Variants in PLXDC2 observed in about 807,000 individuals in gnomAD.
PLXDC2 encodes plexin domain-containing protein 2.
Under a neutral mutation model 68.9 loss-of-function variants are expected in PLXDC2, and 40 were observed. The observed-to-expected ratio is 0.58, with a 90% CI of 0.45 to 0.76. The LOEUF is 0.76. Among genes scored for constraint, PLXDC2 ranks in the 30% least tolerant of loss-of-function variants. The probability of loss-of-function intolerance (pLI) is 0.00; values close to 1 mark genes in which losing one functional copy is unlikely to be tolerated. For missense variants in PLXDC2, 644 were observed against 661.9 expected (o/e 0.97, Z 0.30); for synonymous variants, 243 against 234.2 (o/e 1.04, Z -0.34).
At chr10:19,989,877 G>A (rs1834717210) in intron 1 of PLXDC2, among the ~76,000 whole-genome samples, 1 of 151,494 alleles carries the variant, frequency 6.6e-6, no homozygotes, top group South Asian at 2.1e-4. Context: ...AGCCTCACGA[G>A]TAGCTGTGAT....
intron 3 of PLXDC2, among the ~76,000 whole-genome samples, chr10:20,067,898 A>G (rs1449054444): frequency 1.3e-5 from 2 of 152,052 alleles, no homozygotes; most frequent in Non-Finnish European, 2.9e-5. Context: ...GAACCTCAGA[A>G]TAAGTTGCTC....
At chr10:19,965,727 G>A (rs976639336) in intron 1 of PLXDC2, among the ~76,000 whole-genome samples, 1 of 147,262 alleles carries the variant, frequency 6.8e-6, no homozygotes, top group East Asian at 2.2e-4. Context: ...TTGGGGGGGG[G>A]GGTTACATAA....
rs779620609 is a variant in PLXDC2, at chr10:20,164,571, C to G, written c.883+4C>G. 6.2e-7 allele frequency: 1 copy of G among 1,604,722 alleles called. No individual in the cohort carries two copies. The highest frequency in any genetic ancestry group is 2.2e-5 in the East Asian group (1 of 44,690). On this transcript the variant is annotated splice_donor_region_variant and intron_variant, in intron 7 of 13. Coordinates refer to ENST00000377252, the MANE Select transcript of PLXDC2 (RefSeq NM_032812.9). Reference sequence around the variant, plus strand: ...CACAGGATCCAACAAATTCCCAGTACGTAGAAGAAGGGCAGTCGCAATGAG... The same window carrying G: ...CACAGGATCCAACAAATTCCCAGTAGGTAGAAGAAGGGCAGTCGCAATGAG...
chr10:20,142,468 G>A (rs1167769542), intron 4 of PLXDC2, among the ~76,000 whole-genome samples: 1 of 152,096 alleles, frequency 6.6e-6, no homozygotes, highest in South Asian at 2.1e-4. Flanking sequence ...GCCAGCACAG[G>A]ATTAACAATT....
intron 3 of PLXDC2, among the ~76,000 whole-genome samples, chr10:20,047,417 T>A (rs76215155): frequency 0.041 from 6,247 of 152,216 alleles, 178 homozygotes; most frequent in South Asian, 0.068. Context: ...GGTCTTGGAT[T>A]TAACCAAAGA....
chr10:19,827,264 T>C (rs187915163), intron 1 of PLXDC2, among the ~76,000 whole-genome samples: 1 of 152,336 alleles, frequency 6.6e-6, no homozygotes, highest in Admixed American at 6.5e-5. Context: ...CAGTCTTAAT[T>C]ACTGTAGCTT....
Position 19,871,898 on chromosome 10 carries a change from A to AC in PLXDC2, c.112+54707_112+54708insC, listed in dbSNP as rs1031021510. On this transcript the variant is annotated intron_variant, in intron 1 of 13. Transcript: ENST00000377252. ...TGAAACTGTCAAAAAAAAAAAAAAAAACACAAAAAACTTACATTGTTTACC... is the reference window on the plus strand; with the variant it reads ...TGAAACTGTCAAAAAAAAAAAAAAAACACACAAAAAACTTACATTGTTTACC... Among the ~76,000 whole-genome samples the AC allele has an allele frequency of 3.5e-4, 53 of 151,000 alleles. 1 individual carries two copies. The highest frequency in any genetic ancestry group is 6.8e-3 in the Middle Eastern group (2 of 292).
At chr10:20,167,297 A>G (rs1190916191) in intron 7 of PLXDC2, among the ~76,000 whole-genome samples, 1 of 152,170 alleles carries the variant, frequency 6.6e-6, no homozygotes, top group East Asian at 1.9e-4. Flanking sequence ...CAAGAGATAC[A>G]CGGTTGCATT....
chr10:19,916,239 A>G (rs1193211162), intron 1 of PLXDC2, among the ~76,000 whole-genome samples: 1 of 150,050 alleles, frequency 6.7e-6, no homozygotes, highest in African/African-American at 2.4e-5. Flanking sequence ...TTCTGCCTCC[A>G]GATTCAAGCA....
chr10:19,978,639 G>A (rs1344043449), intron 1 of PLXDC2, among the ~76,000 whole-genome samples: 2 of 152,190 alleles, frequency 1.3e-5, no homozygotes, highest in Non-Finnish European at 2.9e-5. Context: ...CAGAAATATA[G>A]CAATAGCAGG....
chr10:20,020,037 T>A (rs1429834298), intron 2 of PLXDC2, among the ~76,000 whole-genome samples: 1 of 146,594 alleles, frequency 6.8e-6, no homozygotes, highest in East Asian at 2.1e-4. Flanking sequence ...TTTTTTGTTT[T>A]TTCTTTTGAG....
At position 20,211,714 on chromosome 10, in the gene PLXDC2, T is replaced by C. The variant is rs549490970; in HGVS notation, c.1107T>C (p.Ser369=). The C allele has an allele frequency of 3.1e-6, 5 of 1,613,012 alleles. No individual in the cohort carries two copies. Among genetic ancestry groups the C allele is most frequent in the Admixed American group, 1.7e-5 (1 of 59,968 alleles). The change falls in exon 10 of 14, where the codon AGT becomes AGC. Residue 369 remains serine, a synonymous_variant. Coordinates refer to ENST00000377252, the MANE Select transcript of PLXDC2 (RefSeq NM_032812.9). ...GTCATCGGCAGGACTGGGTGGACAGTGGATGCCCTGAAGAGGTACACATGC... is the reference window on the plus strand; with the variant it reads ...GTCATCGGCAGGACTGGGTGGACAGCGGATGCCCTGAAGAGGTACACATGC... ...FDRHRQDWVD[S]GCPEESKEKM...
At chr10:20,117,725 C>T (rs1833640114) in intron 4 of PLXDC2, among the ~76,000 whole-genome samples, 1 of 152,180 alleles carries the variant, frequency 6.6e-6, no homozygotes. Context: ...CTTTCAGTCT[C>T]TCCCTGTTCT....
At chr10:20,142,586 A>G (rs1208244601) in intron 4 of PLXDC2, among the ~76,000 whole-genome samples, 5 of 152,092 alleles carry the variant, frequency 3.3e-5, no homozygotes, top group African/African-American at 4.8e-5. Flanking sequence ...AAAGTTCTCC[A>G]TAATAAATTC....
intron 6 of PLXDC2, among the ~76,000 whole-genome samples, chr10:20,149,931 A>T (rs1834130762): frequency 1.3e-5 from 2 of 152,112 alleles, no homozygotes; most frequent in Admixed American, 1.3e-4. Flanking sequence ...CTTTTAATTA[A>T]TAGAGTTTAC....
chr10:19,900,338 A>C (rs1838136748), intron 1 of PLXDC2, among the ~76,000 whole-genome samples: 1 of 152,168 alleles, frequency 6.6e-6, no homozygotes, highest in African/African-American at 2.4e-5. Context: ...TCAGTTAGTC[A>C]AGTTGAGATT....
At chr10:20,084,540 TGGA>T (rs1833163653) in intron 4 of PLXDC2, among the ~76,000 whole-genome samples, 2 of 151,976 alleles carry the variant, frequency 1.3e-5, no homozygotes, top group Non-Finnish European at 2.9e-5. Flanking sequence ...GAAGCTACAG[TGGA>T]GAATCATTCT....
intron 1 of PLXDC2, among the ~76,000 whole-genome samples, chr10:19,841,271 C>T (rs1836898971): frequency 6.6e-6 from 1 of 152,104 alleles, no homozygotes; most frequent in Non-Finnish European, 1.5e-5. Context: ...AAAAATCAGC[C>T]CATGCCCATT....
intron 1 of PLXDC2, among the ~76,000 whole-genome samples, chr10:20,001,460 G>A (rs1372195851): frequency 6.6e-6 from 1 of 152,184 alleles, no homozygotes; most frequent in Admixed American, 6.5e-5. Context: ...TAGAGAATGT[G>A]TATGAAGTGT....
Sources: allele counts gnomAD v4.1 joint callset (sites outside exome capture counted in the v4.1 genomes callset), GRCh38; gene constraint gnomAD v4.1.1; transcripts MANE v1.5; gene names NCBI Gene and HGNC (gene_info 2026-07-23, HGNC 2026-07-21).